Variants in ZNF292 observed in about 807,000 individuals in gnomAD.
The protein encoded by ZNF292 is 16 zinc-finger domain protein.
In ZNF292, 26 loss-of-function variants were observed where a neutral mutation model predicts 217.9. That is an observed-to-expected ratio of 0.12 (90% CI 0.09 to 0.17). ZNF292 has a LOEUF of 0.17. Ranked by LOEUF, ZNF292 falls within the 10% of genes least tolerant of loss-of-function variation. The pLI is 1.00. For missense variants in ZNF292, 2,904 were observed against 3,175.2 expected (o/e 0.91, Z 2.05); for synonymous variants, 1,257 against 1,124.1 (o/e 1.12, Z -2.37).
chr6:87,234,550 C>G (rs905978310), intron 5 of ZNF292, among the ~76,000 whole-genome samples: 2 of 149,840 alleles, frequency 1.3e-5, no homozygotes, highest in African/African-American at 4.9e-5. Context: ...CAGTGTGAGA[C>G]TCTGTCGCAA....
intron 1 of ZNF292, among the ~76,000 whole-genome samples, chr6:87,201,792 A>G (rs1446182809): frequency 6.6e-6 from 1 of 152,120 alleles, no homozygotes; most frequent in Non-Finnish European, 1.5e-5. Context: ...AATAGTTATA[A>G]TTTTTCTTTC....
At chr6:87,246,689 AC>A (rs1290005135) in intron 7 of ZNF292, among the ~76,000 whole-genome samples, 2 of 151,926 alleles carry the variant, frequency 1.3e-5, no homozygotes, top group African/African-American at 2.4e-5. Flanking sequence ...ACATGATGAA[AC>A]CCCATCTCTA....
In ZNF292 at chr6:87,212,445, T is replaced by A. The variant is rs1380672224; in HGVS notation, c.169-3458T>A. On this transcript the variant is annotated intron_variant, in intron 1 of 7. Transcript: ENST00000369577. ...TTCCATCTCTCTAATCATGGCATGG[T>A]CTTTGTAGTGACCAGTCCCTGTCTT... Among the ~76,000 whole-genome samples, 4 of 152,126 alleles carry A rather than the reference T, an allele frequency of 2.6e-5. No individual in the cohort carries two copies. The East Asian group carries it at 7.7e-4, about 29-fold the overall frequency.
At position 87,263,422 on chromosome 6, in the gene ZNF292, A is replaced by C. The variant is rs1775705233; in HGVS notation, c.*1621A>C. On this transcript the variant is annotated 3_prime_UTR_variant, in exon 8 of 8. Coordinates refer to ENST00000369577, the MANE Select transcript of ZNF292 (RefSeq NM_015021.3). The stretch of plus-strand genomic sequence containing the variant: ...ATTCCCTGTGCAACATCAGATTTGC[A>C]GGAAAAATGAAGCACTTACTGAAAT... The C allele has an allele frequency of 1.3e-5, 2 of 152,108 alleles. No homozygotes were observed. The highest frequency in any genetic ancestry group is 4.1e-4 in the South Asian group (2 of 4,832). The allele number at this position is 152,108 out of a possible 1,614,324, so 9.4% of individuals were successfully genotyped here.
intron 6 of ZNF292, among the ~76,000 whole-genome samples, chr6:87,244,773 T>A (rs574919120): frequency 6.6e-6 from 1 of 152,224 alleles, no homozygotes; most frequent in South Asian, 2.1e-4. Context: ...AATTTTAAAT[T>A]TGTTAGAAGA....
At position 87,256,514 on chromosome 6, in the gene ZNF292, G is replaced by A; in HGVS notation, c.2885G>A (p.Ser962Asn). Residue 962 changes from serine to asparagine, a missense_variant, in exon 8 of 8, where the codon AGT (serine) becomes AAT (asparagine). Transcript: ENST00000369577. ...CAAGAAAACTCAACTGTGGAAGGCA[G>A]TGGTGAAGCACTGGTCACAGACTTA... ...GKQENSTVEG[S>N]GEALVTDLHT... is the part of the protein sequence containing the mutation. 3 of 1,612,818 alleles carry A rather than the reference G, an allele frequency of 1.9e-6. No individual in the cohort carries two copies. Among genetic ancestry groups the A allele is most frequent in the African/African-American group, 2.7e-5 (2 of 75,072 alleles).
intron 5 of ZNF292, among the ~76,000 whole-genome samples, chr6:87,242,560 T>G (rs1305560767): frequency 6.6e-6 from 1 of 152,234 alleles, no homozygotes; most frequent in African/African-American, 2.4e-5. Flanking sequence ...AGAGGCATAG[T>G]CTCTGTGGTA....
intron 1 of ZNF292, among the ~76,000 whole-genome samples, chr6:87,205,218 A>G (rs6913721): frequency 0.63 from 95,100 of 151,772 alleles, 31,273 homozygotes; most frequent in African/African-American, 0.83. Flanking sequence ...GACTACAGAC[A>G]TGTGCCACTA....
rs1190454981 is a variant in ZNF292, at chr6:87,265,866, C to T, written c.*4065C>T. Among the ~76,000 whole-genome samples the T allele has an allele frequency of 1.3e-5, 2 of 152,086 alleles. No homozygotes were observed. The highest frequency in any genetic ancestry group is 4.8e-5 in the African/African-American group (2 of 41,408). On this transcript the variant is annotated 3_prime_UTR_variant, in exon 8 of 8. Transcript: ENST00000369577. ...GGTTGTTAATGTTTTGAATATTACCCGGTATTCAAGTAATGCTCATTGAAT... is the reference window on the plus strand; with the variant it reads ...GGTTGTTAATGTTTTGAATATTACCTGGTATTCAAGTAATGCTCATTGAAT...
Position 87,261,233 on chromosome 6 carries a change from A to C in ZNF292, c.7604A>C (p.Lys2535Thr). The change falls in exon 8 of 8, where the codon AAG (lysine) becomes ACG (threonine). Residue 2535 changes from lysine to threonine, a missense_variant. Physicochemically the swap from Lys to Thr is moderately conservative, Grantham distance 78. Coordinates refer to ENST00000369577, the MANE Select transcript of ZNF292 (RefSeq NM_015021.3). ...QKASNLKRVNKEKNVSQNKKR... is the reference protein window; with the variant it reads ...QKASNLKRVNTEKNVSQNKKR... ...GCAAGTAATTTGAAGAGAGTTAATA[A>C]GGAAAAAAATGTCTCACAAAATAAA... is the stretch of plus-strand genomic sequence containing the variant. 1 of 1,610,546 alleles carries C rather than the reference A, an allele frequency of 6.2e-7. No individual in the cohort carries two copies. The highest frequency in any genetic ancestry group is 8.5e-7 in the Non-Finnish European group (1 of 1,179,032).
chr6:87,260,783 A>G lies in ZNF292; in HGVS notation c.7154A>G (p.Gln2385Arg). ...LSECTSRFVT[Q>R]YPCMIKGCTS... ...GAGTGTACAAGCAGATTTGTAACCC[A>G]GTATCCATGTATGATAAAGGGATGT... The change falls in exon 8 of 8, where the codon CAG becomes CGG. Residue 2385 changes from glutamine to arginine, a missense_variant. Coordinates refer to ENST00000369577, the MANE Select transcript of ZNF292 (RefSeq NM_015021.3). The G allele has an allele frequency of 6.2e-7, 1 of 1,613,394 alleles. No homozygotes were observed. Among genetic ancestry groups the G allele is most frequent in the Non-Finnish European group, 8.5e-7 (1 of 1,179,604 alleles).
At chr6:87,192,338 T>C (rs919046412) in intron 1 of ZNF292, among the ~76,000 whole-genome samples, 2 of 151,780 alleles carry the variant, frequency 1.3e-5, no homozygotes, top group Non-Finnish European at 2.9e-5. Context: ...AATATAAATC[T>C]AGATGCACTT....
Position 87,264,733 on chromosome 6 carries a change from C to G in ZNF292, c.*2932C>G, listed in dbSNP as rs1378166079. Among the ~76,000 whole-genome samples, 2 of 152,028 alleles carry G rather than the reference C, an allele frequency of 1.3e-5. No individual in the cohort carries two copies. Among genetic ancestry groups the G allele is most frequent in the Non-Finnish European group, 2.9e-5 (2 of 68,010 alleles). The stretch of plus-strand genomic sequence containing the variant: ...TGAAGAAGCAGATGGGTGGTGGGAT[C>G]AGGAGTGTTCTTGTATGCTGTATTA... On this transcript the variant is annotated 3_prime_UTR_variant, in exon 8 of 8. Transcript: ENST00000369577.
chr6:87,172,266 C>T (rs1240096351), intron 1 of ZNF292, among the ~76,000 whole-genome samples: 1 of 152,102 alleles, frequency 6.6e-6, no homozygotes, highest in African/African-American at 2.4e-5. Context: ...GGAAATTTCC[C>T]AGTAGTCAGA....
In ZNF292 at chr6:87,256,902, A is replaced by G; in HGVS notation, c.3273A>G (p.Pro1091=). 2 of 1,613,884 alleles carry G rather than the reference A, an allele frequency of 1.2e-6. No homozygotes were observed. The highest frequency in any genetic ancestry group is 1.7e-6 in the Non-Finnish European group (2 of 1,179,832). The change falls in exon 8 of 8, where the codon CCA becomes CCG. Residue 1091 remains proline (P), a synonymous_variant. Coordinates refer to ENST00000369577, the MANE Select transcript of ZNF292 (RefSeq NM_015021.3). ...CATTAGGAACTCCATCAGTGCCTCC[A>G]AAAGCTCCAGTTCAGAAATTCAGCT... ...SNSLGTPSVP[P]KAPVQKFSCQ... is the part of the protein sequence containing the mutation.
chr6:87,255,095 G>C lies in ZNF292; in HGVS notation c.1466G>C (p.Ser489Thr). The change falls in exon 8 of 8, where the codon AGT becomes ACT. Residue 489 changes from serine to threonine, a missense_variant. Ser to Thr is a moderately conservative substitution (Grantham distance 58). Coordinates refer to ENST00000369577, the MANE Select transcript of ZNF292 (RefSeq NM_015021.3). ...AAAGTGGTAGACTACCAAGAAGAGAGTAAAGAAACTTCTATGAATGGGCTT... is the reference window on the plus strand; with the variant it reads ...AAAGTGGTAGACTACCAAGAAGAGACTAAAGAAACTTCTATGAATGGGCTT... ...YEKVVDYQEE[S>T]KETSMNGLSG... 10 of 1,613,610 alleles carry C rather than the reference G, an allele frequency of 6.2e-6. No homozygotes were observed. The highest frequency in any genetic ancestry group is 8.5e-6 in the Non-Finnish European group (10 of 1,179,830).
chr6:87,194,444 G>A (rs1771901691), intron 1 of ZNF292, among the ~76,000 whole-genome samples: 1 of 152,138 alleles, frequency 6.6e-6, no homozygotes, highest in Non-Finnish European at 1.5e-5. Flanking sequence ...AAATTCATAA[G>A]TAAGTTTAAC....
intron 1 of ZNF292, among the ~76,000 whole-genome samples, chr6:87,190,423 T>C (rs548482027): frequency 6.6e-6 from 1 of 152,152 alleles, no homozygotes; most frequent in East Asian, 1.9e-4. Context: ...GGAAATGGAG[T>C]TGTTAGGCCA....
At chr6:87,161,138 G>A (rs1002020408) in intron 1 of ZNF292, among the ~76,000 whole-genome samples, 1 of 152,076 alleles carries the variant, frequency 6.6e-6, no homozygotes, top group Non-Finnish European at 1.5e-5. Flanking sequence ...GAAATTACAA[G>A]CAATTGCATA....
Sources: allele counts gnomAD v4.1 joint callset (sites outside exome capture counted in the v4.1 genomes callset), GRCh38; gene constraint gnomAD v4.1.1; transcripts MANE v1.5; gene names NCBI Gene and HGNC (gene_info 2026-07-23, HGNC 2026-07-21).